GRID2: variants seen among roughly 807,000 people sequenced by gnomAD.
GRID2 encodes glutamate ionotropic receptor delta type subunit 2.
A neutral mutation model predicts 114.8 loss-of-function variants in GRID2; 33 were observed. That is an observed-to-expected ratio of 0.29 (90% CI 0.22 to 0.38). The LOEUF (loss-of-function observed/expected upper bound fraction) is 0.38. Ranked by LOEUF, GRID2 falls within the 10% of genes least tolerant of loss-of-function variation. The pLI, the probability that GRID2 is intolerant of heterozygous loss-of-function variation, is 1.00. For synonymous variants in GRID2, 505 were observed against 449.9 expected, an observed-to-expected ratio of 1.12 and a Z score of -1.55; for missense variants, 1,184 against 1,257.7, an observed-to-expected ratio of 0.94 and a Z score of 0.89.
chr4:92,593,796 G>A (rs1413515141), intron 2 of GRID2, among the ~76,000 whole-genome samples: 1 of 150,772 alleles, frequency 6.6e-6, no homozygotes, highest in Admixed American at 6.6e-5. Flanking sequence ...CTGAGCTGCA[G>A]GATATTAACT....
intron 1 of GRID2, among the ~76,000 whole-genome samples, chr4:92,535,725 TC>T (rs1725586942): frequency 6.6e-6 from 1 of 152,148 alleles, no homozygotes. Flanking sequence ...ACTGGTTCCT[TC>T]AGTGGGTTCT....
intron 2 of GRID2, among the ~76,000 whole-genome samples, chr4:92,906,934 T>A (rs1164378965): frequency 6.6e-6 from 1 of 152,214 alleles, no homozygotes; most frequent in Non-Finnish European, 1.5e-5. Context: ...GAGTGCAGAA[T>A]ATGAGGCCCC....
intron 4 of GRID2, among the ~76,000 whole-genome samples, chr4:93,144,587 T>C (rs1483329461): frequency 2.0e-5 from 3 of 152,144 alleles, no homozygotes; most frequent in Non-Finnish European, 2.9e-5. Context: ...TGTGTAGGAA[T>C]TAGCCCTTGA....
intron 8 of GRID2, among the ~76,000 whole-genome samples, chr4:93,308,301 T>A (rs530481730): frequency 6.6e-6 from 1 of 152,188 alleles, no homozygotes; most frequent in Non-Finnish European, 1.5e-5. Flanking sequence ...CTGTGTTTTG[T>A]GGTTTCGAAA....
At chr4:92,428,784 A>AT (rs1370368246) in intron 1 of GRID2, among the ~76,000 whole-genome samples, 2 of 152,104 alleles carry the variant, frequency 1.3e-5, no homozygotes, top group African/African-American at 2.4e-5. Context: ...TTAAACTAGT[A>AT]TTTTTTATTT....
At chr4:93,554,429 A>G (rs1734100230) in intron 13 of GRID2, among the ~76,000 whole-genome samples, 1 of 133,182 alleles carries the variant, frequency 7.5e-6, no homozygotes, top group Non-Finnish European at 1.6e-5. Flanking sequence ...TTCTGCACAT[A>G]AATTTTTTTA....
chr4:92,495,349 C>G (rs577763915), intron 1 of GRID2, among the ~76,000 whole-genome samples: 1 of 151,876 alleles, frequency 6.6e-6, no homozygotes, highest in Non-Finnish European at 1.5e-5. Context: ...ACTCAACATA[C>G]ACAATAGCAA....
intron 1 of GRID2, among the ~76,000 whole-genome samples, chr4:92,539,068 A>G (rs867926700): frequency 3.9e-4 from 33 of 84,578 alleles, no homozygotes; most frequent in Middle Eastern, 7.0e-3. Context: ...AGTGTCTAAT[A>G]GGAGATGAAT....
chr4:92,377,952 A>C (rs1358884839), intron 1 of GRID2, among the ~76,000 whole-genome samples: 1 of 152,046 alleles, frequency 6.6e-6, no homozygotes, highest in Non-Finnish European at 1.5e-5. Flanking sequence ...CAATATTTCA[A>C]CGTATGTGGT....
intron 9 of GRID2, among the ~76,000 whole-genome samples, chr4:93,420,401 A>G (rs977121002): frequency 1.3e-5 from 2 of 152,218 alleles, no homozygotes; most frequent in South Asian, 2.1e-4. Flanking sequence ...GGCTAGCTCT[A>G]TAAGTTGTCC....
At chr4:92,572,439 C>G (rs1431173623) in intron 1 of GRID2, among the ~76,000 whole-genome samples, 1 of 152,040 alleles carries the variant, frequency 6.6e-6, no homozygotes, top group Non-Finnish European at 1.5e-5. Flanking sequence ...GATTCACAGC[C>G]GAATTCTACC....
chr4:92,967,307 T>C (rs898500904), intron 2 of GRID2, among the ~76,000 whole-genome samples: 4 of 151,936 alleles, frequency 2.6e-5, no homozygotes, highest in Admixed American at 1.3e-4. Context: ...AACACCAAAT[T>C]GAATATAAAC....
At chr4:92,350,543 A>G (rs956801908) in intron 1 of GRID2, among the ~76,000 whole-genome samples, 5 of 151,758 alleles carry the variant, frequency 3.3e-5, no homozygotes, top group African/African-American at 1.2e-4. Context: ...CCTATCTTCA[A>G]TATTTATCTA....
intron 11 of GRID2, among the ~76,000 whole-genome samples, chr4:93,477,234 C>T (rs1316310556): frequency 6.6e-6 from 1 of 152,032 alleles, no homozygotes; most frequent in Non-Finnish European, 1.5e-5. Flanking sequence ...AATGAGCCTG[C>T]TCCTAAAATA....
chr4:92,366,691 A>G (rs182639924), intron 1 of GRID2, among the ~76,000 whole-genome samples: 1 of 152,132 alleles, frequency 6.6e-6, no homozygotes. Flanking sequence ...TGGATAAAAG[A>G]CCTAAAGGTA....
rs1376785246 is a variant in GRID2, at chr4:93,297,307, TTTATG to T, written c.1245+58825_1245+58829del. The stretch of plus-strand genomic sequence containing the variant: ...AACAATAAAATTACCGATAAGACCT[TTTATG>T]TTATGTTTATTATTCTATCGCCATT... On this transcript the variant is annotated intron_variant, in intron 8 of 15. Coordinates refer to ENST00000282020, the MANE Select transcript of GRID2 (RefSeq NM_001510.4). Among the ~76,000 whole-genome samples the T allele has an allele frequency of 3.9e-5, 6 of 152,300 alleles. No homozygotes were observed. In the South Asian group the frequency reaches 1.0e-3, roughly 26 times the overall value.
intron 1 of GRID2, among the ~76,000 whole-genome samples, chr4:92,485,778 T>C (rs559655925): frequency 5.3e-5 from 8 of 152,242 alleles, no homozygotes; most frequent in Admixed American, 3.9e-4. Context: ...AGCTTCAGAC[T>C]TTGCATATGT....
chr4:93,051,776 G>A (rs551949003), intron 2 of GRID2, among the ~76,000 whole-genome samples: 4 of 152,008 alleles, frequency 2.6e-5, no homozygotes, highest in Admixed American at 6.6e-5. Flanking sequence ...GAAATGTTTC[G>A]TTAAAACTGT....
At chr4:93,682,604 A>C (rs945240362) in intron 14 of GRID2, among the ~76,000 whole-genome samples, 24 of 152,298 alleles carry the variant, frequency 1.6e-4, no homozygotes, top group African/African-American at 5.5e-4. Context: ...TGCAGCCATA[A>C]AAAATGATGA....
Sources: gnomAD v4.1 joint callset for allele counts (sites outside exome capture counted in the v4.1 genomes callset) on GRCh38, gnomAD v4.1.1 for gene constraint, MANE v1.5 for transcripts, NCBI Gene and HGNC (gene_info 2026-07-23, HGNC 2026-07-21) for gene names.